B3GLCT: variants seen among roughly 807,000 people sequenced by gnomAD.
B3GLCT encodes beta-1,3-glucosyltransferase.
A neutral mutation model predicts 63.4 loss-of-function variants in B3GLCT; 65 were observed. The observed-to-expected ratio is 1.03, with a 90% CI of 0.84 to 1.26. The LOEUF (loss-of-function observed/expected upper bound fraction) is 1.26. B3GLCT is among the 50% of genes most tolerant of loss of function. B3GLCT has a pLI of 0.00. For synonymous variants in B3GLCT, 233 were observed against 219.2 expected (o/e 1.06, Z -0.55); for missense variants, 577 against 604.8 (o/e 0.95, Z 0.48).
intron 8 of B3GLCT, among the ~76,000 whole-genome samples, chr13:31,270,066 C>A (rs570363763): frequency 1.8e-4 from 27 of 152,300 alleles, no homozygotes; most frequent in African/African-American, 6.3e-4. Context: ...CCTAACACTC[C>A]TGGTTCCTTC....
intron 1 of B3GLCT, among the ~76,000 whole-genome samples, chr13:31,213,608 A>ACCCCCCCCCCCCCCCCC (rs1237901111): frequency 7.6e-4 from 39 of 51,294 alleles, no homozygotes; most frequent in Non-Finnish European, 9.2e-4. Flanking sequence ...ACAAAACAAC[A>ACCCCCCCCCCCCCCCCC]CCCCCCCACC....
intron 12 of B3GLCT, among the ~76,000 whole-genome samples, chr13:31,294,141 C>T (rs1266976386): frequency 6.6e-6 from 1 of 152,172 alleles, no homozygotes; most frequent in Non-Finnish European, 1.5e-5. Flanking sequence ...GGCACCCATT[C>T]TCTTCTTGTG....
chr13:31,278,495 T>C (rs1872904132), intron 10 of B3GLCT, among the ~76,000 whole-genome samples: 1 of 152,220 alleles, frequency 6.6e-6, no homozygotes, highest in Non-Finnish European at 1.5e-5. Flanking sequence ...CTGCTGTTAA[T>C]TTGAATCTGG....
At chr13:31,276,843 T>C in intron 10 of B3GLCT, 72 bp downstream of exon 10, 3 of 1,150,590 alleles carry the variant, frequency 2.6e-6, no homozygotes, top group Non-Finnish European at 3.9e-6. Context: ...TACCAATGAA[T>C]TCTTGAGTGT....
intron 4 of B3GLCT, among the ~76,000 whole-genome samples, chr13:31,237,602 G>C (rs560296776): frequency 6.6e-6 from 1 of 152,180 alleles, no homozygotes; most frequent in South Asian, 2.1e-4. Flanking sequence ...TGACCCACCC[G>C]CCTTGGCCTC....
intron 6 of B3GLCT, among the ~76,000 whole-genome samples, chr13:31,252,178 T>C (rs1042937283): frequency 1.3e-5 from 2 of 152,186 alleles, no homozygotes; most frequent in African/African-American, 2.4e-5. Context: ...TGAGAGATTT[T>C]GTCACCACCA....
Position 31,329,794 on chromosome 13 carries a change from G to A in B3GLCT, c.*126G>A, listed in dbSNP as rs1875824056. 9.4e-7 allele frequency: 1 copy of A among 1,059,202 alleles called. No homozygotes were observed. The highest frequency in any genetic ancestry group is 1.4e-6 in the Non-Finnish European group (1 of 707,160). The allele number at this position is 1,059,202 out of a possible 1,614,324, so 65.6% of individuals were successfully genotyped here. On this transcript the variant is annotated 3_prime_UTR_variant, in exon 15 of 15. Transcript: ENST00000343307. ...CATTGGGTGCTTCCTGACTTTAGGG[G>A]GAGATTTTATGTATGGTATTTTTTG...
chr13:31,331,513 C>T lies in B3GLCT; in HGVS notation c.*1845C>T, dbSNP rs1347521760. The T allele has an allele frequency of 1.4e-5, 2 of 141,614 alleles. No individual in the cohort carries two copies. Among genetic ancestry groups the T allele is most frequent in the East Asian group, 4.1e-4 (2 of 4,922 alleles). The allele number at this position is 141,614 out of a possible 1,614,324, so 8.8% of individuals were successfully genotyped here. ...GTAAGCCTAACCACAAGTAAAAGAT[C>T]TTTGCCTAAGTTTTTGATTTCTCAA... is the stretch of plus-strand genomic sequence containing the variant. On this transcript the variant is annotated 3_prime_UTR_variant, in exon 15 of 15. Coordinates refer to ENST00000343307, the MANE Select transcript of B3GLCT (RefSeq NM_194318.4).
At chr13:31,308,298 A>C in intron 12 of B3GLCT, among the ~76,000 whole-genome samples, 1 of 53,736 alleles carries the variant, frequency 1.9e-5, no homozygotes, top group East Asian at 8.1e-4. Flanking sequence ...TAACCTGCAC[A>C]ATGTGCACAT....
At chr13:31,315,092 C>T (rs1281675981) in intron 12 of B3GLCT, among the ~76,000 whole-genome samples, 1 of 152,176 alleles carries the variant, frequency 6.6e-6, no homozygotes, top group Non-Finnish European at 1.5e-5. Flanking sequence ...CGTTTGCTTC[C>T]CAGTCTTGAG....
At chr13:31,243,443 G>T (rs1871046474) in intron 4 of B3GLCT, among the ~76,000 whole-genome samples, 1 of 152,110 alleles carries the variant, frequency 6.6e-6, no homozygotes. Context: ...GGTTATTTAT[G>T]ATATTTTATA....
In B3GLCT at chr13:31,331,205, A is replaced by G. The variant is rs1875905306; in HGVS notation, c.*1537A>G. 6.6e-6 allele frequency: 1 copy of G among 152,224 alleles called. No homozygotes were observed. The highest frequency in any genetic ancestry group is 6.5e-5 in the Admixed American group (1 of 15,282). 9.4% of individuals were successfully genotyped at this position (152,224 alleles called of 1,614,324 possible). On this transcript the variant is annotated 3_prime_UTR_variant, in exon 15 of 15. Coordinates refer to ENST00000343307, the MANE Select transcript of B3GLCT (RefSeq NM_194318.4). ...AGTCATTGTAACTGGGATTGTTGTCATTGCTACCGTGGTAGTCACCTTCAT... is the reference window on the plus strand; with the variant it reads ...AGTCATTGTAACTGGGATTGTTGTCGTTGCTACCGTGGTAGTCACCTTCAT...
At chr13:31,308,343 A>AC (rs1471034240) in intron 12 of B3GLCT, among the ~76,000 whole-genome samples, 3 of 19,086 alleles carry the variant, frequency 1.6e-4, no homozygotes, top group Non-Finnish European at 7.9e-4. Flanking sequence ...AAAAAAAAAA[A>AC]AATTAAAAAA....
At chr13:31,219,329 C>G (rs1192694653) in intron 2 of B3GLCT, among the ~76,000 whole-genome samples, 1 of 152,144 alleles carries the variant, frequency 6.6e-6, no homozygotes, top group Non-Finnish European at 1.5e-5. Flanking sequence ...CACCTAAACA[C>G]GTGATTATTA....
rs530378317 is a variant in B3GLCT at position 31,282,438 on chromosome 13, G to C, written c.851-2210G>C. ...GCGGATCACGAGGTCAGGAAATCAA[G>C]ACCATCCTGGCTAACACGGTGAAAC... On this transcript the variant is annotated intron_variant, in intron 10 of 14. Transcript: ENST00000343307. Among the ~76,000 whole-genome samples the C allele has an allele frequency of 3.5e-4, 53 of 152,208 alleles. No individual in the cohort carries two copies. In the East Asian group the frequency reaches 7.2e-3, roughly 21 times the overall value.
At chr13:31,235,620 C>T (rs1018507455) in intron 4 of B3GLCT, among the ~76,000 whole-genome samples, 1 of 152,154 alleles carries the variant, frequency 6.6e-6, no homozygotes, top group Non-Finnish European at 1.5e-5. Context: ...GCGCACTGAC[C>T]TCAGGATGCA....
chr13:31,270,520 A>C (rs1475952502), intron 8 of B3GLCT, among the ~76,000 whole-genome samples: 1 of 152,246 alleles, frequency 6.6e-6, no homozygotes, highest in African/African-American at 2.4e-5. Context: ...CATTGAATAT[A>C]TACAAAATAA....
chr13:31,317,642 G>C lies in B3GLCT; in HGVS notation c.1141G>C (p.Gly381Arg). Residue 381 changes from glycine (G) to arginine (R), a missense_variant, in exon 13 of 15, where the codon GGC becomes CGC. Physicochemically the swap from Gly to Arg is moderately radical, Grantham distance 125 (BLOSUM62 -2). Coordinates refer to ENST00000343307, the MANE Select transcript of B3GLCT (RefSeq NM_194318.4). ...GTTTCTGGGAGAGCGCTACGGCTAC[G>C]GCCTGGGCACTGGTGGCTACAGCTA... is the stretch of plus-strand genomic sequence containing the variant. ...PVFLGERYGYGLGTGGYSYIT... is the reference protein window; with the variant it reads ...PVFLGERYGYRLGTGGYSYIT... The C allele has an allele frequency of 6.2e-7, 1 of 1,614,030 alleles. No individual in the cohort carries two copies. Among genetic ancestry groups the C allele is most frequent in the Admixed American group, 1.7e-5 (1 of 60,020 alleles).
chr13:31,297,382 T>A lies in B3GLCT; in HGVS notation c.1064+10563T>A, dbSNP rs891563854. ...AACCCCATTATTTTCTGGGTTTTTTTTTTTTTTTTTTTGATAGTCGCTATT... is the reference window on the plus strand; with the variant it reads ...AACCCCATTATTTTCTGGGTTTTTTATTTTTTTTTTTTGATAGTCGCTATT... On this transcript the variant is annotated intron_variant, in intron 12 of 14. Transcript: ENST00000343307. Among the ~76,000 whole-genome samples the A allele has an allele frequency of 5.3e-5, 8 of 151,750 alleles. 1 individual carries two copies. The highest frequency in any genetic ancestry group is 5.2e-4 in the Admixed American group (8 of 15,258).
Sources: allele counts gnomAD v4.1 joint callset (sites outside exome capture counted in the v4.1 genomes callset), GRCh38; gene constraint gnomAD v4.1.1; transcripts MANE v1.5; gene names NCBI Gene and HGNC (gene_info 2026-07-23, HGNC 2026-07-21).